Variants in FGD6 observed in about 807,000 individuals in gnomAD.
FGD6 encodes the protein FYVE, RhoGEF and PH domain containing 6, also known as FYVE, RhoGEF and PH domain-containing protein 6.
FGD6 carries 90 observed loss-of-function variants against 149.4 expected under a neutral mutation model. The ratio of observed to expected loss-of-function variants is 0.60; its 90% confidence interval spans 0.51 to 0.72. FGD6 has a LOEUF of 0.72. Among genes scored for constraint, FGD6 ranks in the 30% least tolerant of loss-of-function variants. FGD6 has a pLI of 0.00. For missense variants in FGD6, 1,437 were observed against 1,684.8 expected (o/e 0.85, Z 2.57); for synonymous variants, 527 against 584.0 (o/e 0.90, Z 1.41).
intron 3 of FGD6, among the ~76,000 whole-genome samples, chr12:95,168,894 T>G (rs1206976603): frequency 6.6e-6 from 1 of 152,216 alleles, no homozygotes; most frequent in East Asian, 1.9e-4. Context: ...CCAGGCAATC[T>G]GACTCCAAAG....
chr12:95,191,187 G>C (rs2136293814), intron 2 of FGD6, among the ~76,000 whole-genome samples: 1 of 152,290 alleles, frequency 6.6e-6, no homozygotes, highest in East Asian at 1.9e-4. Context: ...TGGGAATTTA[G>C]ACTCCATGCT....
chr12:95,092,657 A>C (rs1253838117), intron 16 of FGD6, 42 bp downstream of exon 16: 1 of 1,602,102 alleles, frequency 6.2e-7, no homozygotes, highest in Admixed American at 1.7e-5. Context: ...CAGCCTGGAG[A>C]CAGTAAAGAC....
At chr12:95,176,721 C>T (rs554044841) in intron 2 of FGD6, among the ~76,000 whole-genome samples, 10 of 152,138 alleles carry the variant, frequency 6.6e-5, no homozygotes, top group Admixed American at 2.0e-4. Flanking sequence ...TATATATTTA[C>T]AGCACACCTC....
At chr12:95,103,339 T>C (rs192772173) in intron 14 of FGD6, among the ~76,000 whole-genome samples, 58 of 152,302 alleles carry the variant, frequency 3.8e-4, no homozygotes, top group African/African-American at 1.4e-3. Flanking sequence ...TATTGGCATC[T>C]CTCCCTTCAC....
intron 7 of FGD6, 114 bp from the exon 8 acceptor site, chr12:95,134,940 G>A (rs906083414): frequency 1.2e-5 from 9 of 727,186 alleles, no homozygotes; most frequent in African/African-American, 1.1e-4. Context: ...AAGGAGATTC[G>A]TAGAGAGGCT....
intron 9 of FGD6, among the ~76,000 whole-genome samples, chr12:95,112,741 GAC>G (rs1878871172): frequency 6.6e-6 from 1 of 152,136 alleles, no homozygotes; most frequent in African/African-American, 2.4e-5. Context: ...GAGGGAGAGA[GAC>G]ACAGGCACAC....
intron 3 of FGD6, among the ~76,000 whole-genome samples, chr12:95,153,289 A>G (rs1880364388): frequency 6.6e-6 from 1 of 152,244 alleles, no homozygotes; most frequent in Non-Finnish European, 1.5e-5. Flanking sequence ...AATGGAAGTC[A>G]CAAACTAAAA....
rs2056720955 is a variant in FGD6 at position 95,210,585 on chromosome 12, T to C, written c.699A>G (p.Glu233=). The change falls in exon 2 of 21, where the codon GAA becomes GAG. Residue 233 remains glutamate (E), a synonymous_variant. Transcript: ENST00000343958. ...ADLSPSPSSF[E]KVPDHHSCHL... Reference sequence around the variant, plus strand: ...GGCAACTGTGATGATCAGGAACTTTTTCAAAGCTGGATGGGGAAGGTGACA... The same window carrying C: ...GGCAACTGTGATGATCAGGAACTTTCTCAAAGCTGGATGGGGAAGGTGACA... 6.2e-7 allele frequency: 1 copy of C among 1,614,092 alleles called. No homozygotes were observed. The highest frequency in any genetic ancestry group is 8.5e-7 in the Non-Finnish European group (1 of 1,180,040).
chr12:95,201,946 A>C (rs1175281750), intron 2 of FGD6, among the ~76,000 whole-genome samples: 1 of 141,732 alleles, frequency 7.1e-6, no homozygotes, highest in Non-Finnish European at 1.5e-5. Context: ...TTTACTAAGC[A>C]GGACAGAATA....
rs1282505909 is a variant in FGD6, at chr12:95,210,161, C to T, written c.1123G>A (p.Val375Met). ...TTATTTCCTAGCTTCATTTTATCCA[C>T]CTGTTCCTGCTTACACAAAACATTC... ...HQNVLCKQEQ[V>M]DKMKLGNKSE... Residue 375 changes from valine (V) to methionine (M), a missense_variant, in exon 2 of 21, where the codon GTG becomes ATG. Physicochemically the swap from Val to Met is conservative, Grantham distance 21 (BLOSUM62 1). Around this residue, in one of 2 missense-constraint regions of FGD6, gnomAD observed 1,055 missense variants for 1,146.0 expected, o/e 0.92. Coordinates refer to ENST00000343958, the MANE Select transcript of FGD6 (RefSeq NM_018351.4). The T allele has an allele frequency of 3.1e-6, 5 of 1,614,006 alleles. No homozygotes were observed. Among genetic ancestry groups the T allele is most frequent in the Non-Finnish European group, 8.5e-7 (1 of 1,180,008 alleles).
chr12:95,100,760 A>G, intron 14 of FGD6: 1 of 503,260 alleles, frequency 2.0e-6, no homozygotes, highest in Non-Finnish European at 3.9e-6. Context: ...AAGGATATCA[A>G]TGCTTACAAT....
chr12:95,093,869 T>C (rs1022537760), intron 15 of FGD6, among the ~76,000 whole-genome samples: 19 of 143,200 alleles, frequency 1.3e-4, no homozygotes, highest in African/African-American at 4.7e-4. Context: ...AAAAGAAATA[T>C]GGGCTATTGG....
chr12:95,179,964 G>A (rs1235794176), intron 2 of FGD6, among the ~76,000 whole-genome samples: 2 of 152,042 alleles, frequency 1.3e-5, no homozygotes, highest in East Asian at 3.9e-4. Flanking sequence ...TGTAATCCCA[G>A]CTACACGGGA....
chr12:95,083,679 A>T lies in FGD6; in HGVS notation c.4256+819T>A, dbSNP rs560749048. On this transcript the variant is annotated intron_variant, in intron 20 of 20. Coordinates refer to ENST00000343958, the MANE Select transcript of FGD6 (RefSeq NM_018351.4). Reference sequence around the variant, plus strand: ...CATTGTGCCTGGCTGGTATTCAGGGATGTGTGCAATTCTGGTACATTAATC... The same window carrying T: ...CATTGTGCCTGGCTGGTATTCAGGGTTGTGTGCAATTCTGGTACATTAATC... Among the ~76,000 whole-genome samples, 6 of 152,336 alleles carry T rather than the reference A, an allele frequency of 3.9e-5. No homozygotes were observed. The East Asian group carries it at 1.2e-3, about 29-fold the overall frequency.
At chr12:95,212,904 G>C (rs1316253832) in intron 1 of FGD6, among the ~76,000 whole-genome samples, 1 of 152,146 alleles carries the variant, frequency 6.6e-6, no homozygotes, top group Admixed American at 6.5e-5. Context: ...AAGATTATAT[G>C]ATGTATATGA....
chr12:95,118,348 C>CAAAA (rs758125277), intron 8 of FGD6, among the ~76,000 whole-genome samples: 3 of 122,280 alleles, frequency 2.5e-5, no homozygotes, highest in Non-Finnish European at 1.7e-5. Flanking sequence ...GACTCTGTCT[C>CAAAA]AAAAAAAAAA....
intron 8 of FGD6, among the ~76,000 whole-genome samples, chr12:95,133,752 C>T (rs1437848149): frequency 6.6e-6 from 1 of 151,996 alleles, no homozygotes; most frequent in Non-Finnish European, 1.5e-5. Flanking sequence ...TTCCAGAGAC[C>T]CTAGTAGTAG....
intron 2 of FGD6, chr12:95,189,702 G>A (rs1298316028): frequency 1.3e-5 from 2 of 149,918 alleles, no homozygotes; most frequent in African/African-American, 4.9e-5. Context: ...TCAAGAAAAG[G>A]AGAAGCATCA....
At position 95,182,393 on chromosome 12, in the gene FGD6, G is replaced by T. The variant is rs1186043226; in HGVS notation, c.2442-9649C>A. ...TTTTTGTATTTTTAGTAGAGACTGG[G>T]TTTCACTATGCTGGCCAGGCTGGTG... On this transcript the variant is annotated intron_variant, in intron 2 of 20. Coordinates refer to ENST00000343958, the MANE Select transcript of FGD6 (RefSeq NM_018351.4). 2.0e-5 allele frequency among the ~76,000 whole-genome samples: 3 copies of T among 152,052 alleles called. No homozygotes were observed. The South Asian group carries it at 6.2e-4, about 32-fold the overall frequency.
Sources: allele counts gnomAD v4.1 joint callset (sites outside exome capture counted in the v4.1 genomes callset), GRCh38; gene constraint gnomAD v4.1.1; regional missense constraint gnomAD v4.1.1; transcripts MANE v1.5; gene names NCBI Gene and HGNC (gene_info 2026-07-23, HGNC 2026-07-21).